Variants in LMX1B observed in about 807,000 individuals in gnomAD.
The protein encoded by LMX1B is LIM homeobox transcription factor 1 beta.
In LMX1B, 12 loss-of-function variants were observed where a neutral mutation model predicts 51.4. The observed-to-expected ratio is 0.23, with a 90% CI of 0.15 to 0.38. The LOEUF is 0.38. LMX1B is among the 10% of genes least tolerant of loss of function. LMX1B has a pLI of 1.00. For synonymous variants in LMX1B, 237 were observed against 235.4 expected, an observed-to-expected ratio of 1.01 and a Z score of -0.06; for missense variants, 445 against 571.1, an observed-to-expected ratio of 0.78 and a Z score of 2.25.
At chr9:126,661,887 A>G (rs938771182) in intron 2 of LMX1B, among the ~76,000 whole-genome samples, 11 of 152,186 alleles carry the variant, frequency 7.2e-5, no homozygotes, top group Admixed American at 7.2e-4. Flanking sequence ...CAGCCGCCTC[A>G]ATCAGTCATC....
rs2030427100 is a variant in LMX1B, at chr9:126,698,551, G to A, written c.*2100G>A. The A allele has an allele frequency of 6.6e-6, 1 of 152,380 alleles. No individual in the cohort carries two copies. The highest frequency in any genetic ancestry group is 1.5e-5 in the Non-Finnish European group (1 of 68,162). 9.4% of individuals were successfully genotyped at this position (152,380 alleles called of 1,614,324 possible). A position where few individuals can be genotyped will look rare whatever the true frequency, so the allele number is the denominator to read the frequency against. ...AACTCTATCCCTGTCAGAGCAAGGA[G>A]GCTGGGCTGCTGGGGCCTGACTGGT... On this transcript the variant is annotated 3_prime_UTR_variant, in exon 8 of 8. Transcript: ENST00000373474.
intron 2 of LMX1B, among the ~76,000 whole-genome samples, chr9:126,659,562 G>A (rs536838665): frequency 2.6e-5 from 4 of 152,340 alleles, no homozygotes; most frequent in Admixed American, 2.0e-4. Flanking sequence ...CCTGTGTGGG[G>A]GTGCCTATAC....
intron 2 of LMX1B, among the ~76,000 whole-genome samples, chr9:126,664,693 G>C (rs1264949018): frequency 1.3e-5 from 2 of 152,202 alleles, no homozygotes; most frequent in African/African-American, 2.4e-5. Flanking sequence ...GACCAACATG[G>C]TGAAACCCCG....
At chr9:126,637,822 T>TC (rs56108871) in intron 2 of LMX1B, among the ~76,000 whole-genome samples, 2,811 of 91,928 alleles carry the variant, frequency 0.031, 90 homozygotes, top group African/African-American at 0.07. Context: ...GTGCCTGTCC[T>TC]CCCCCCCCCC....
intron 2 of LMX1B, among the ~76,000 whole-genome samples, chr9:126,656,059 T>G (rs1394377816): frequency 6.6e-6 from 1 of 152,182 alleles, no homozygotes; most frequent in African/African-American, 2.4e-5. Context: ...TAAATTGAAC[T>G]CTGAGCATCC....
intron 2 of LMX1B, among the ~76,000 whole-genome samples, chr9:126,661,128 C>A (rs1357116095): frequency 6.6e-6 from 1 of 152,196 alleles, no homozygotes. Flanking sequence ...TAGACACGCC[C>A]ATACACAGGA....
At chr9:126,664,273 C>T (rs1157253680) in intron 2 of LMX1B, among the ~76,000 whole-genome samples, 3 of 152,180 alleles carry the variant, frequency 2.0e-5, no homozygotes, top group Admixed American at 2.0e-4. Context: ...AGCACAAATC[C>T]CCCAGCCCTG....
chr9:126,676,760 G>C (rs1172693735), intron 2 of LMX1B, among the ~76,000 whole-genome samples: 1 of 152,222 alleles, frequency 6.6e-6, no homozygotes, highest in Non-Finnish European at 1.5e-5. Flanking sequence ...GGAGTTACCA[G>C]GGGTGGGGTC....
Position 126,690,884 on chromosome 9 carries a change from C to T in LMX1B, c.375C>T (p.Thr125=), listed in dbSNP as rs921576454. ...CSGCMEKIAP[T]EFVMRALECV... ...GCTGCATGGAGAAGATCGCCCCCAC[C>T]GAGTTCGTGATGCGGGCGCTGGAGT... The change falls in exon 3 of 8, where the codon ACC becomes ACT. Residue 125 remains threonine (T), a synonymous_variant. Transcript: ENST00000373474. The T allele has an allele frequency of 2.5e-5, 41 of 1,613,598 alleles. No homozygotes were observed. Among genetic ancestry groups the T allele is most frequent in the Non-Finnish European group, 3.1e-5 (37 of 1,179,946 alleles).
chr9:126,646,214 A>G (rs1835896777), intron 2 of LMX1B, among the ~76,000 whole-genome samples: 3 of 152,122 alleles, frequency 2.0e-5, no homozygotes, highest in Admixed American at 2.0e-4. Flanking sequence ...TAAAATATGG[A>G]TGACAAGAGG....
chr9:126,696,571 C>T lies in LMX1B; in HGVS notation c.*120C>T. 3 of 1,208,406 alleles carry T rather than the reference C, an allele frequency of 2.5e-6. No individual in the cohort carries two copies. Among genetic ancestry groups the T allele is most frequent in the Non-Finnish European group, 3.6e-6 (3 of 837,580 alleles). 74.9% of individuals were successfully genotyped at this position (1,208,406 alleles called of 1,614,324 possible). Reference sequence around the variant, plus strand: ...AGACTACAGACAGCCATACGGTGCCCTCCCCTCGGCCAGCTGGGCCTGACC... The same window carrying T: ...AGACTACAGACAGCCATACGGTGCCTTCCCCTCGGCCAGCTGGGCCTGACC... On this transcript the variant is annotated 3_prime_UTR_variant, in exon 8 of 8. Coordinates refer to ENST00000373474, the MANE Select transcript of LMX1B (RefSeq NM_001174147.2).
intron 2 of LMX1B, among the ~76,000 whole-genome samples, chr9:126,688,300 C>A (rs1337590142): frequency 1.3e-5 from 2 of 152,318 alleles, no homozygotes; most frequent in East Asian, 1.9e-4. Flanking sequence ...GCTTTGACTG[C>A]AAATGCAGGT....
chr9:126,676,922 C>T (rs1394980153), intron 2 of LMX1B, among the ~76,000 whole-genome samples: 2 of 152,216 alleles, frequency 1.3e-5, no homozygotes, highest in African/African-American at 2.4e-5. Flanking sequence ...TCAATAATCG[C>T]TCTTCTCTGT....
chr9:126,617,753 G>C (rs1185540605), intron 2 of LMX1B, among the ~76,000 whole-genome samples: 1 of 152,178 alleles, frequency 6.6e-6, no homozygotes, highest in Non-Finnish European at 1.5e-5. Context: ...TCTCAGGTCC[G>C]AAGACCTCAC....
intron 2 of LMX1B, among the ~76,000 whole-genome samples, chr9:126,684,313 C>T (rs773935548): frequency 2.6e-5 from 4 of 152,074 alleles, no homozygotes; most frequent in African/African-American, 4.8e-5. Context: ...AGTGCAATTA[C>T]GGGGCTTCAG....
At chr9:126,681,542 A>G (rs1836671472) in intron 2 of LMX1B, among the ~76,000 whole-genome samples, 1 of 151,746 alleles carries the variant, frequency 6.6e-6, no homozygotes, top group Non-Finnish European at 1.5e-5. Context: ...AACTTCCCAA[A>G]GCCACTCCCT....
rs532379531 is a variant in LMX1B at position 126,671,203 on chromosome 9, G to A, written c.327-19633G>A. Among the ~76,000 whole-genome samples, 70 of 152,322 alleles carry A rather than the reference G, an allele frequency of 4.6e-4. No individual in the cohort carries two copies. Among genetic ancestry groups the A allele is most frequent in the African/African-American group, 1.5e-3 (64 of 41,588 alleles). On this transcript the variant is annotated intron_variant, in intron 2 of 7. Transcript: ENST00000373474. This position sits in a 1 kb window ranked among gnomAD's most constrained non-coding sequence, Gnocchi z 4.4. ...GTAAACCCAGCTCTGCTTCGCCACC[G>A]CCGAGCTCTGAGCTGGGGGGAGGGG...
chr9:126,690,863 C>T lies in LMX1B; in HGVS notation c.354C>T (p.Cys118=). ...TCTTCGCGGCCAAGTGCAGCGGCTG[C>T]ATGGAGAAGATCGCCCCCACCGAGT... ...QQLFAAKCSG[C]MEKIAPTEFV... Residue 118 remains cysteine, a synonymous_variant, in exon 3 of 8, where the codon TGC becomes TGT. Transcript: ENST00000373474. The T allele has an allele frequency of 6.2e-7, 1 of 1,612,888 alleles. No individual in the cohort carries two copies. Among genetic ancestry groups the T allele is most frequent in the Non-Finnish European group, 8.5e-7 (1 of 1,179,834 alleles).
intron 2 of LMX1B, among the ~76,000 whole-genome samples, chr9:126,637,320 C>T (rs2118872840): frequency 6.6e-6 from 1 of 152,212 alleles, no homozygotes; most frequent in South Asian, 2.1e-4. Flanking sequence ...GTGTGTGTGT[C>T]CCTGTGTGTG....
Sources: gnomAD v4.1 joint callset for allele counts (sites outside exome capture counted in the v4.1 genomes callset) on GRCh38, gnomAD v4.1.1 for gene constraint, Gnocchi (gnomAD v3.1) non-coding constraint, MANE v1.5 for transcripts, NCBI Gene and HGNC (gene_info 2026-07-23, HGNC 2026-07-21) for gene names.